Variants in SPATA17 observed in about 807,000 individuals in gnomAD.
SPATA17 encodes the protein spermatogenesis-associated protein 17.
Under a neutral mutation model 62.2 loss-of-function variants are expected in SPATA17, and 53 were observed. The ratio of observed to expected loss-of-function variants is 0.85; its 90% CI spans 0.68 to 1.07. SPATA17 has a LOEUF of 1.07. Ranked by LOEUF, SPATA17 falls within the 50% of genes least tolerant of loss-of-function variation. The pLI, the probability that SPATA17 is intolerant of heterozygous loss-of-function variation, is 0.00. For missense variants in SPATA17, 466 were observed against 425.5 expected (o/e 1.10, Z -0.84); for synonymous variants, 146 against 146.8 (o/e 0.99, Z 0.04).
intron 9 of SPATA17, among the ~76,000 whole-genome samples, chr1:217,806,472 C>T (rs969094041): frequency 1.3e-5 from 2 of 152,288 alleles, no homozygotes; most frequent in African/African-American, 4.8e-5. Flanking sequence ...AGGGGTCATT[C>T]GTCCCTTTCC....
chr1:217,812,820 T>TAA (rs1674624848), intron 9 of SPATA17, among the ~76,000 whole-genome samples: 1 of 152,224 alleles, frequency 6.6e-6, no homozygotes, highest in Non-Finnish European at 1.5e-5. Context: ...CTAAAGCCTT[T>TAA]ATCTGAATTG....
chr1:217,750,870 G>A (rs78828419), intron 6 of SPATA17, among the ~76,000 whole-genome samples: 3,505 of 152,242 alleles, frequency 0.023, 44 homozygotes, highest in Non-Finnish European at 0.035. Flanking sequence ...AGCAACCTGC[G>A]CAAGGTCACA....
chr1:217,762,985 A>G (rs1016959340), intron 6 of SPATA17, among the ~76,000 whole-genome samples: 3 of 152,084 alleles, frequency 2.0e-5, no homozygotes, highest in African/African-American at 7.2e-5. Context: ...ACAAAAAACA[A>G]CCCCACTAAC....
In SPATA17 at chr1:217,801,861, A is replaced by G; in HGVS notation, c.1005+11A>G. The G allele has an allele frequency of 6.3e-7, 1 of 1,590,782 alleles. No homozygotes were observed. The highest frequency in any genetic ancestry group is 8.5e-7 in the Non-Finnish European group (1 of 1,173,108). ...TGGATCTGTGACAAGGTGAGTTAAC[A>G]AAACATTTTAAAAAGTTATTCCTTT... On this transcript the variant is annotated intron_variant, in intron 9 of 10. Coordinates refer to ENST00000366933, the MANE Select transcript of SPATA17 (RefSeq NM_138796.4).
rs202244859 is a variant in SPATA17 at position 217,742,054 on chromosome 1, G to A, written c.475G>A (p.Asp159Asn). 3.1e-6 allele frequency: 5 copies of A among 1,614,154 alleles called. No homozygotes were observed. Among genetic ancestry groups the A allele is most frequent in the Admixed American group, 1.7e-5 (1 of 60,012 alleles). Residue 159 changes from aspartate (D) to asparagine (N), a missense_variant, in exon 6 of 11, where the codon GAT (aspartate) becomes AAT (asparagine). Asp to Asn is a conservative substitution (Grantham distance 23). Transcript: ENST00000366933. ...CCTCGAAAGGGAAGAGAAGAAAAGA[G>A]ATTACCAAGCCCGAAAGATGCATTA... ...ANLEREEKKR[D>N]YQARKMHYLL...
At chr1:217,638,490 C>T (rs902925626) in intron 1 of SPATA17, among the ~76,000 whole-genome samples, 9 of 152,272 alleles carry the variant, frequency 5.9e-5, no homozygotes, top group African/African-American at 2.2e-4. Context: ...ATGTTCACTG[C>T]TGGCTCATTG....
chr1:217,838,889 G>A (rs1675325404), intron 9 of SPATA17, among the ~76,000 whole-genome samples: 1 of 152,064 alleles, frequency 6.6e-6, no homozygotes, highest in African/African-American at 2.4e-5. Flanking sequence ...TACAATCATA[G>A]AAGTATATGA....
At position 217,764,815 on chromosome 1, in the gene SPATA17, T is replaced by C. The variant is rs533983884; in HGVS notation, c.520-9519T>C. 2.6e-5 allele frequency among the ~76,000 whole-genome samples: 4 copies of C among 152,258 alleles called. No individual in the cohort carries two copies. The South Asian group carries it at 8.3e-4, about 32-fold the overall frequency. On this transcript the variant is annotated intron_variant, in intron 6 of 10. Transcript: ENST00000366933. ...TAATGACACATGATAATGACTATCT[T>C]TTCTTATACTTATTTGCCATCTGTG...
chr1:217,742,071 G>T lies in SPATA17; in HGVS notation c.492G>T (p.Lys164Asn). ...AGAAAAGAGATTACCAAGCCCGAAA[G>T]ATGCATTACCTCCTCAGCACAAAGC... ...EEKKRDYQARKMHYLLSTKQI... is the reference protein window; with the variant it reads ...EEKKRDYQARNMHYLLSTKQI... The change falls in exon 6 of 11, where the codon AAG becomes AAT. Residue 164 changes from lysine to asparagine, a missense_variant. Lys to Asn is a moderately conservative substitution (Grantham distance 94). Coordinates refer to ENST00000366933, the MANE Select transcript of SPATA17 (RefSeq NM_138796.4). 6.2e-7 allele frequency: 1 copy of T among 1,614,124 alleles called. No homozygotes were observed. The highest frequency in any genetic ancestry group is 8.5e-7 in the Non-Finnish European group (1 of 1,180,014).
At chr1:217,746,568 G>A (rs1288354441) in intron 6 of SPATA17, among the ~76,000 whole-genome samples, 2 of 151,298 alleles carry the variant, frequency 1.3e-5, no homozygotes, top group Non-Finnish European at 3.0e-5. Context: ...TGTTTTTAAT[G>A]TGTTAATAAT....
intron 3 of SPATA17, among the ~76,000 whole-genome samples, chr1:217,666,421 C>A (rs1186586906): frequency 1.3e-5 from 2 of 151,880 alleles, no homozygotes; most frequent in East Asian, 1.9e-4. Flanking sequence ...AACAAATAAT[C>A]ATCATTTTCA....
intron 5 of SPATA17, among the ~76,000 whole-genome samples, chr1:217,718,322 C>T (rs763712330): frequency 1.3e-5 from 2 of 151,984 alleles, no homozygotes; most frequent in Non-Finnish European, 2.9e-5. Context: ...AAAAAAAAAT[C>T]CAAGTCATGG....
chr1:217,823,877 CT>C (rs1288697763), intron 9 of SPATA17, among the ~76,000 whole-genome samples: 1 of 151,952 alleles, frequency 6.6e-6, no homozygotes, highest in African/African-American at 2.4e-5. Flanking sequence ...TTCTTCGTCT[CT>C]TTTTACTGTT....
chr1:217,767,637 T>C (rs561640404), intron 6 of SPATA17, among the ~76,000 whole-genome samples: 1 of 152,320 alleles, frequency 6.6e-6, no homozygotes, highest in African/African-American at 2.4e-5. Flanking sequence ...CCTTCAACCA[T>C]GTCCAATCTA....
At chr1:217,655,096 A>G (rs140617310) in intron 3 of SPATA17, among the ~76,000 whole-genome samples, 209 of 152,280 alleles carry the variant, frequency 1.4e-3, no homozygotes, top group Non-Finnish European at 2.6e-3. Context: ...TTCATATTTT[A>G]CTGATTGTAC....
chr1:217,725,104 T>C (rs1429041383), intron 5 of SPATA17, among the ~76,000 whole-genome samples: 1 of 152,224 alleles, frequency 6.6e-6, no homozygotes, highest in Non-Finnish European at 1.5e-5. Context: ...ACACTGAATA[T>C]TGAATCTCTC....
intron 7 of SPATA17, chr1:217,781,131 C>A (rs1159712419): frequency 6.6e-6 from 1 of 152,002 alleles, no homozygotes; most frequent in African/African-American, 2.4e-5. Context: ...ATTTACGGTC[C>A]ATGACTTTTA....
chr1:217,697,722 G>A (rs919303922), intron 5 of SPATA17, among the ~76,000 whole-genome samples: 1 of 151,704 alleles, frequency 6.6e-6, no homozygotes, highest in Non-Finnish European at 1.5e-5. Context: ...CAAGGGCTGA[G>A]GTAAATTTGA....
intron 5 of SPATA17, among the ~76,000 whole-genome samples, chr1:217,704,813 A>C (rs548903147): frequency 6.6e-6 from 1 of 152,172 alleles, no homozygotes; most frequent in African/African-American, 2.4e-5. Context: ...ACTGATGGGC[A>C]TCTAGGTTGA....
Sources: allele counts gnomAD v4.1 joint callset (sites outside exome capture counted in the v4.1 genomes callset), GRCh38; gene constraint gnomAD v4.1.1; transcripts MANE v1.5; gene names NCBI Gene and HGNC (gene_info 2026-07-23, HGNC 2026-07-21).